Variants in ILRUN observed in about 807,000 individuals in gnomAD.
ILRUN encodes the protein inflammation and lipid regulator with UBA-like and NBR1-like domains, also known as protein ILRUN.
ILRUN carries 3 observed loss-of-function variants against 33.8 expected under a neutral mutation model. The ratio of observed to expected loss-of-function variants is 0.09; its 90% CI spans 0.04 to 0.23. The LOEUF (loss-of-function observed/expected upper bound fraction) is 0.23, where lower values mean the gene tolerates loss of function less well. Among genes scored for constraint, ILRUN ranks in the 10% least tolerant of loss-of-function variants. ILRUN has a pLI of 1.00. For missense variants in ILRUN, 210 were observed against 375.1 expected (o/e 0.56, Z 3.64); for synonymous variants, 124 against 138.9 (o/e 0.89, Z 0.75).
chr6:34,693,217 T>A (rs778752476), intron 1 of ILRUN, among the ~76,000 whole-genome samples: 4 of 152,240 alleles, frequency 2.6e-5, no homozygotes, highest in Non-Finnish European at 4.4e-5. Flanking sequence ...TGATTTTTCA[T>A]TTTATAATCA....
chr6:34,598,592 A>G (rs1761448831), intron 4 of ILRUN, among the ~76,000 whole-genome samples: 1 of 152,250 alleles, frequency 6.6e-6, no homozygotes, highest in Non-Finnish European at 1.5e-5. Context: ...GCTCTGCTTC[A>G]GCCACAAGAG....
rs1762821002 is a variant in ILRUN, at chr6:34,658,486, TTTTC to T, written c.159-3711_159-3708del. On this transcript the variant is annotated intron_variant, in intron 1 of 4. Transcript: ENST00000374023. ...TTTACCACAATGAAATAATTTTTCT[TTTTC>T]TTTTTTTTTTTTTTTTTTAAGAGTA... 2.8e-5 allele frequency among the ~76,000 whole-genome samples: 4 copies of T among 141,990 alleles called. No homozygotes were observed. The South Asian group carries it at 8.7e-4, about 31-fold the overall frequency. The allele number at this position is 141,990 out of a possible 152,430, so 93.2% of individuals were successfully genotyped here. A position where few individuals can be genotyped will look rare whatever the true frequency, so the allele number is the denominator to read the frequency against.
chr6:34,683,057 CAA>C (rs549443199), intron 1 of ILRUN, among the ~76,000 whole-genome samples: 1 of 142,754 alleles, frequency 7.0e-6, no homozygotes, highest in Non-Finnish European at 1.5e-5. Flanking sequence ...GTTACCCCAA[CAA>C]AAAAAAAACA....
intron 1 of ILRUN, among the ~76,000 whole-genome samples, chr6:34,683,479 T>C (rs1301298544): frequency 2.4e-4 from 25 of 106,270 alleles, no homozygotes; most frequent in African/African-American, 3.9e-4. Flanking sequence ...TATACACATA[T>C]ATATATACAT....
intron 3 of ILRUN, among the ~76,000 whole-genome samples, chr6:34,639,544 G>A (rs1762429080): frequency 6.6e-6 from 1 of 152,122 alleles, no homozygotes; most frequent in South Asian, 2.1e-4. Flanking sequence ...ATGTCCTATA[G>A]AACTGAGTAT....
chr6:34,626,505 G>A (rs913780633), intron 3 of ILRUN, among the ~76,000 whole-genome samples: 2 of 152,098 alleles, frequency 1.3e-5, no homozygotes, highest in African/African-American at 4.8e-5. Flanking sequence ...GCAGTTTTAG[G>A]TTCACAGCAA....
At chr6:34,657,630 A>T (rs1383827682) in intron 1 of ILRUN, among the ~76,000 whole-genome samples, 1 of 152,238 alleles carries the variant, frequency 6.6e-6, no homozygotes, top group Non-Finnish European at 1.5e-5. Context: ...AGTACAAGGC[A>T]GAAAGTGGAC....
chr6:34,638,179 T>C (rs1433297223), intron 3 of ILRUN, among the ~76,000 whole-genome samples: 2 of 151,248 alleles, frequency 1.3e-5, no homozygotes, highest in Non-Finnish European at 2.9e-5. Context: ...TGAGCCACCA[T>C]GCCGGGCCTT....
chr6:34,684,075 A>G (rs1030920231), intron 1 of ILRUN, among the ~76,000 whole-genome samples: 1 of 151,420 alleles, frequency 6.6e-6, no homozygotes, highest in Non-Finnish European at 1.5e-5. Flanking sequence ...TCTGTACCCC[A>G]CCCCCCAAAA....
At chr6:34,683,473 C>CACATATATATACATATATATAT (rs1763435754) in intron 1 of ILRUN, among the ~76,000 whole-genome samples, 2 of 97,844 alleles carry the variant, frequency 2.0e-5, no homozygotes, top group Admixed American at 1.1e-4. Flanking sequence ...CATATATATA[C>CACATATATATACATATATATAT]ACATATATAT....
rs184758593 is a variant in ILRUN, at chr6:34,635,867, G to A, written c.511+10734C>T. 5.9e-3 allele frequency among the ~76,000 whole-genome samples: 894 copies of A among 152,056 alleles called. 5 individuals carry two copies. The highest frequency in any genetic ancestry group is 9.0e-3 in the Non-Finnish European group (611 of 67,968). On this transcript the variant is annotated intron_variant, in intron 3 of 4. Transcript: ENST00000374023. ...GAACTCCTGACCTCTGGTGATCCAC[G>A]CGCCTCAGCCTCCCAAAGTGCTGGG...
chr6:34,683,431 T>TATATATACATATATATAC (rs1445122135), intron 1 of ILRUN, among the ~76,000 whole-genome samples: 19 of 46,392 alleles, frequency 4.1e-4, no homozygotes, highest in East Asian at 3.6e-3. Flanking sequence ...TATATATACA[T>TATATATACATATATATAC]ATATATATAC....
intron 3 of ILRUN, among the ~76,000 whole-genome samples, chr6:34,640,562 T>G (rs1374900527): frequency 2.0e-5 from 3 of 151,592 alleles, no homozygotes; most frequent in African/African-American, 7.3e-5. Context: ...ATACAAAAAT[T>G]AGCCGGGTGT....
chr6:34,637,867 T>C (rs6915900), intron 3 of ILRUN, among the ~76,000 whole-genome samples: 787 of 60,996 alleles, frequency 0.013, 7 homozygotes, highest in African/African-American at 0.039. Context: ...GCTGCTGCTG[T>C]TGTTGTTGTT....
intron 3 of ILRUN, among the ~76,000 whole-genome samples, chr6:34,643,294 C>T (rs929375570): frequency 2.0e-5 from 3 of 147,310 alleles, no homozygotes; most frequent in African/African-American, 5.0e-5. Flanking sequence ...AGCAAGGACC[C>T]ATCTCAAAAA....
Position 34,589,089 on chromosome 6 carries a change from C to A in ILRUN, c.*1476G>T. 1 of 153,072 alleles carries A rather than the reference C, an allele frequency of 6.5e-6. No homozygotes were observed. The highest frequency in any genetic ancestry group is 1.5e-5 in the Non-Finnish European group (1 of 68,270). The allele number at this position is 153,072 out of a possible 1,614,324, so 9.5% of individuals were successfully genotyped here. ...GCACCCTGGATCCATATCCCTGGCT[C>A]TCAAACCAACTAAGACTTGAGGGAA... is the stretch of plus-strand genomic sequence containing the variant. On this transcript the variant is annotated 3_prime_UTR_variant, in exon 5 of 5. Coordinates refer to ENST00000374023, the MANE Select transcript of ILRUN (RefSeq NM_024294.4).
At chr6:34,625,513 A>G (rs1762105339) in intron 3 of ILRUN, among the ~76,000 whole-genome samples, 1 of 152,172 alleles carries the variant, frequency 6.6e-6, no homozygotes, top group Non-Finnish European at 1.5e-5. Context: ...GAAGTTGTAC[A>G]CCTTGATCTG....
intron 1 of ILRUN, among the ~76,000 whole-genome samples, chr6:34,661,201 T>C (rs867485708): frequency 5.3e-5 from 8 of 152,236 alleles, no homozygotes; most frequent in Non-Finnish European, 8.8e-5. Context: ...TGTTTTATTA[T>C]TGTATTAGGT....
intron 1 of ILRUN, among the ~76,000 whole-genome samples, chr6:34,665,292 C>CA (rs60761039): frequency 0.42 from 32,196 of 76,506 alleles, 5,203 homozygotes; most frequent in Middle Eastern, 0.57. Flanking sequence ...CCCTTTTCTA[C>CA]AAAAAAAAAA....
Sources: gnomAD v4.1 joint callset for allele counts (sites outside exome capture counted in the v4.1 genomes callset) on GRCh38, gnomAD v4.1.1 for gene constraint, MANE v1.5 for transcripts, NCBI Gene and HGNC (gene_info 2026-07-23, HGNC 2026-07-21) for gene names.